WIPF2: variants seen among roughly 807,000 people sequenced by gnomAD.
The protein encoded by WIPF2 is WAS/WASL-interacting protein family member 2.
WIPF2 carries 23 observed loss-of-function variants against 38.8 expected under a neutral mutation model. The ratio of observed to expected loss-of-function variants is 0.59; its 90% CI spans 0.43 to 0.84. The LOEUF is 0.84. Among genes scored for constraint, WIPF2 ranks in the 40% least tolerant of loss-of-function variants. WIPF2 has a pLI of 0.00. For missense variants in WIPF2, 574 were observed against 580.5 expected (o/e 0.99, Z 0.11); for synonymous variants, 210 against 223.2 (o/e 0.94, Z 0.53).
intron 1 of WIPF2, among the ~76,000 whole-genome samples, chr17:40,232,616 G>A (rs2030795150): frequency 6.6e-6 from 1 of 151,804 alleles, no homozygotes; most frequent in South Asian, 2.1e-4. Flanking sequence ...ACCGTGCCCG[G>A]CCAGTAATTG....
At position 40,272,096 on chromosome 17, in the gene WIPF2, C is replaced by T. The variant is rs143181248; in HGVS notation, c.971-1694C>T. Among the ~76,000 whole-genome samples the T allele has an allele frequency of 9.5e-4, 144 of 151,702 alleles. 1 individual carries two copies. Among genetic ancestry groups the T allele is most frequent in the East Asian group, 6.2e-3 (32 of 5,166 alleles). On this transcript the variant is annotated intron_variant, in intron 5 of 7. Coordinates refer to ENST00000323571, the MANE Select transcript of WIPF2 (RefSeq NM_133264.5). ...GTGCAATGGCACGATCTTGGATCAC[C>T]GCAACCTCCGCCTCTTGGGTTCAAG...
Position 40,273,799 on chromosome 17 carries a change from C to T in WIPF2, c.980C>T (p.Pro327Leu). The change falls in exon 6 of 8, where the codon CCC (proline) becomes CTC (leucine). Residue 327 changes from proline to leucine, a missense_variant. Pro to Leu is a moderately conservative substitution (Grantham distance 98). Coordinates refer to ENST00000323571, the MANE Select transcript of WIPF2 (RefSeq NM_133264.5). The part of the protein sequence containing the change: ...DPPSRGAAPP[P>L]PPPVIRNGAR... Reference sequence around the variant, plus strand: ...TGGATTTTAATTGCAGCTCCTCCACCCCCACCACCTGTGATCCGAAATGGT... The same window carrying T: ...TGGATTTTAATTGCAGCTCCTCCACTCCCACCACCTGTGATCCGAAATGGT... 1 of 1,605,294 alleles carries T rather than the reference C, an allele frequency of 6.2e-7. No homozygotes were observed. The highest frequency in any genetic ancestry group is 8.5e-7 in the Non-Finnish European group (1 of 1,173,728).
At chr17:40,234,765 G>T (rs1410870949) in intron 1 of WIPF2, among the ~76,000 whole-genome samples, 3 of 152,108 alleles carry the variant, frequency 2.0e-5, no homozygotes, top group African/African-American at 7.2e-5. Context: ...AATAATCTTA[G>T]CTGCCTTAAG....
At chr17:40,260,749 G>A in intron 3 of WIPF2, 82 bp downstream of exon 3, 4 of 1,587,970 alleles carry the variant, frequency 2.5e-6, no homozygotes, top group Non-Finnish European at 8.6e-7. Context: ...TATTTTTATT[G>A]GGCCTTGAGT....
chr17:40,243,520 G>GTT (rs897507856), intron 1 of WIPF2, among the ~76,000 whole-genome samples: 4 of 146,734 alleles, frequency 2.7e-5, no homozygotes, highest in Non-Finnish European at 6.0e-5. Context: ...GATTTTTCAG[G>GTT]TTTTTTTTTT....
At chr17:40,250,053 C>T (rs1447975462) in intron 1 of WIPF2, among the ~76,000 whole-genome samples, 5 of 150,330 alleles carry the variant, frequency 3.3e-5, no homozygotes, top group South Asian at 4.2e-4. Context: ...AGGCTGGTCT[C>T]GATCTCCTGA....
intron 1 of WIPF2, chr17:40,220,613 A>ATATATATATG (rs1567705902): frequency 6.1e-5 from 5 of 81,866 alleles, no homozygotes; most frequent in South Asian, 4.0e-4. Flanking sequence ...ATATATATAT[A>ATATATATATG]TATATGTATA....
Position 40,237,233 on chromosome 17 carries a change from A to G in WIPF2, c.-70+17741A>G, listed in dbSNP as rs540116385. 6.4e-4 allele frequency among the ~76,000 whole-genome samples: 92 copies of G among 142,948 alleles called. 1 individual carries two copies. In the Middle Eastern group the frequency reaches 0.033, roughly 52 times the overall value. 93.8% of individuals were successfully genotyped at this position (142,948 alleles called of 152,430 possible). On this transcript the variant is annotated intron_variant, in intron 1 of 7. Coordinates refer to ENST00000323571, the MANE Select transcript of WIPF2 (RefSeq NM_133264.5). ...GTACTCTAATTTTTTTTTCCTATTC[A>G]ATTTTTCCTTTTTTTTTTTTTTTTT... is the stretch of plus-strand genomic sequence containing the variant.
chr17:40,250,217 A>ATTTTTTTTTTTTTTTTTTTTTT (rs1567716394), intron 1 of WIPF2, among the ~76,000 whole-genome samples: 1 of 80,274 alleles, frequency 1.2e-5, no homozygotes, highest in Admixed American at 1.3e-4. Flanking sequence ...GAATTTTATC[A>ATTTTTTTTTTTTTTTTTTTTTT]TGTTTTTTTT....
chr17:40,229,561 AG>A, intron 1 of WIPF2, among the ~76,000 whole-genome samples: 1 of 152,228 alleles, frequency 6.6e-6, no homozygotes, highest in East Asian at 1.9e-4. Flanking sequence ...CTGGGACTAC[AG>A]GTGCACCACC....
chr17:40,248,159 A>ATT (rs1555561662), intron 1 of WIPF2, among the ~76,000 whole-genome samples: 5 of 33,418 alleles, frequency 1.5e-4, no homozygotes, highest in East Asian at 8.3e-4. Flanking sequence ...TTTAAAAGTT[A>ATT]TTTCTTTTTT....
rs1015951308 is a variant in WIPF2, at chr17:40,264,946, A to C, written c.770A>C (p.Gln257Pro). ...SLAPPPPPYR[Q>P]PPGVPNGPSS... is the part of the protein sequence containing the mutation. ...GCTCCTCCTCCTCCGCCTTACCGCC[A>C]GCCTCCTGGGGTCCCCAATGGACCC... The change falls in exon 5 of 8, where the codon CAG (glutamine) becomes CCG (proline). Residue 257 changes from glutamine to proline, a missense_variant. Gln to Pro is a moderately conservative substitution (Grantham distance 76). Coordinates refer to ENST00000323571, the MANE Select transcript of WIPF2 (RefSeq NM_133264.5). The C allele has an allele frequency of 1.9e-6, 3 of 1,614,106 alleles. No homozygotes were observed. Among genetic ancestry groups the C allele is most frequent in the Non-Finnish European group, 1.7e-6 (2 of 1,180,006 alleles).
chr17:40,278,234 T>A lies in WIPF2; in HGVS notation c.*9T>A. 6.2e-7 allele frequency: 1 copy of A among 1,613,718 alleles called. No individual in the cohort carries two copies. Reference sequence around the variant, plus strand: ...CACCCATTCTCAGGTGAAGCCTGGCTTGGTCCCGTTCCTCAGGAAAAGGAT... The same window carrying A: ...CACCCATTCTCAGGTGAAGCCTGGCATGGTCCCGTTCCTCAGGAAAAGGAT... On this transcript the variant is annotated 3_prime_UTR_variant, in exon 8 of 8. Coordinates refer to ENST00000323571, the MANE Select transcript of WIPF2 (RefSeq NM_133264.5).
intron 3 of WIPF2, among the ~76,000 whole-genome samples, chr17:40,261,158 G>T (rs1598490447): frequency 6.6e-6 from 1 of 152,062 alleles, no homozygotes; most frequent in African/African-American, 2.4e-5. Context: ...TGAAACCAAG[G>T]TTGATTTTAT....
At chr17:40,258,442 A>C (rs2031797247) in intron 2 of WIPF2, among the ~76,000 whole-genome samples, 1 of 152,028 alleles carries the variant, frequency 6.6e-6, no homozygotes, top group Non-Finnish European at 1.5e-5. Flanking sequence ...AAATACAAAA[A>C]TTAGCTGTGC....
chr17:40,260,691 G>GTGA, intron 3 of WIPF2, 24 bp downstream of exon 3: 1 of 1,613,510 alleles, frequency 6.2e-7, no homozygotes, highest in South Asian at 1.1e-5. Flanking sequence ...TCATTTCCTA[G>GTGA]TGAACTGGCA....
At chr17:40,248,341 T>G (rs2031443022) in intron 1 of WIPF2, among the ~76,000 whole-genome samples, 1 of 151,796 alleles carries the variant, frequency 6.6e-6, no homozygotes, top group Non-Finnish European at 1.5e-5. Flanking sequence ...ATTTTTTTTA[T>G]AATTTTAGTA....
intron 5 of WIPF2, among the ~76,000 whole-genome samples, chr17:40,269,524 C>G (rs901204886): frequency 2.0e-5 from 3 of 150,894 alleles, no homozygotes; most frequent in East Asian, 1.9e-4. Context: ...ACCCGCCCCC[C>G]CAAAACCCAA....
Position 40,278,181 on chromosome 17 carries a change from T to C in WIPF2, c.1283-4T>C, listed in dbSNP as rs2032465782. 6.2e-7 allele frequency: 1 copy of C among 1,612,906 alleles called. No individual in the cohort carries two copies. On this transcript the variant is annotated splice_region_variant and splice_polypyrimidine_tract_variant and intron_variant, in intron 7 of 7. Transcript: ENST00000323571. The stretch of plus-strand genomic sequence containing the variant: ...TGTGTGGTCTTTATTTTGTTTTTTT[T>C]CAGCTGCCCGTGGAGCCCCACCTCT...
Sources: allele counts gnomAD v4.1 joint callset (sites outside exome capture counted in the v4.1 genomes callset), GRCh38; gene constraint gnomAD v4.1.1; transcripts MANE v1.5; gene names NCBI Gene and HGNC (gene_info 2026-07-23, HGNC 2026-07-21).